LOC728743: variants seen among roughly 807,000 people sequenced by gnomAD.
chr7:150,402,534 T>C, the LOC728743 span, among the ~76,000 whole-genome samples: 1 of 152,244 alleles, frequency 6.6e-6, no homozygotes, highest in Non-Finnish European at 1.5e-5. Context: ...GGACCTATTG[T>C]ATGCTGGACA....
At chr7:150,401,444 G>T in the LOC728743 span, among the ~76,000 whole-genome samples, 1 of 152,226 alleles carries the variant, frequency 6.6e-6, no homozygotes, top group East Asian at 1.9e-4. Flanking sequence ...ATGGGTGGGA[G>T]TGGGGGATGT....
chr7:150,400,808 T>C, the LOC728743 span: 3 of 152,252 alleles, frequency 2.0e-5, no homozygotes, highest in South Asian at 2.1e-4. Flanking sequence ...GGAAGAGGCA[T>C]TGTCATTAAG....
chr7:150,401,398 G>C, the LOC728743 span, among the ~76,000 whole-genome samples: 1 of 152,252 alleles, frequency 6.6e-6, no homozygotes, highest in Non-Finnish European at 1.5e-5. Flanking sequence ...CAGGCCGAGG[G>C]AGAGGGCAGG....
chr7:150,410,252 A>C, the LOC728743 span: 31 of 398,738 alleles, frequency 7.8e-5, no homozygotes, highest in East Asian at 1.1e-3. Flanking sequence ...CCTGGCTGGC[A>C]CTGCACCCGG....
At chr7:150,407,373 G>A in the LOC728743 span, among the ~76,000 whole-genome samples, 3 of 152,210 alleles carry the variant, frequency 2.0e-5, no homozygotes, top group Non-Finnish European at 4.4e-5. Flanking sequence ...CTTGGGAAGG[G>A]ACTGGAAGGA....
the LOC728743 span, chr7:150,405,850 C>CT: frequency 6.6e-6 from 1 of 152,200 alleles, no homozygotes; most frequent in Non-Finnish European, 1.5e-5. Flanking sequence ...GCAGCGCAGA[C>CT]TGTAGAGCAA....
chr7:150,407,421 A>C, the LOC728743 span, among the ~76,000 whole-genome samples: 1 of 152,114 alleles, frequency 6.6e-6, no homozygotes, highest in Non-Finnish European at 1.5e-5. Context: ...AGGAAGAGGA[A>C]CACCAATTCC....
chr7:150,401,939 C>T, the LOC728743 span, among the ~76,000 whole-genome samples: 2 of 152,214 alleles, frequency 1.3e-5, no homozygotes, highest in African/African-American at 2.4e-5. Context: ...TTTCCCTTCA[C>T]CTTCTCCCCT....
chr7:150,407,064 G>A, the LOC728743 span, among the ~76,000 whole-genome samples: 1 of 152,180 alleles, frequency 6.6e-6, no homozygotes, highest in Non-Finnish European at 1.5e-5. Context: ...CTTGAGATCT[G>A]GTTGGAGGGA....
chr7:150,409,853 G>A, the LOC728743 span, among the ~76,000 whole-genome samples: 8 of 152,084 alleles, frequency 5.3e-5, no homozygotes, highest in Admixed American at 6.5e-5. Context: ...ATGGCTCCTC[G>A]GAGACTGTCC....
At chr7:150,409,021 G>T in the LOC728743 span, among the ~76,000 whole-genome samples, 1 of 152,140 alleles carries the variant, frequency 6.6e-6, no homozygotes, top group Non-Finnish European at 1.5e-5. Context: ...TCTGGGGTGA[G>T]ACCGAGGAGG....
At chr7:150,409,715 C>A in the LOC728743 span, among the ~76,000 whole-genome samples, 1 of 151,988 alleles carries the variant, frequency 6.6e-6, no homozygotes, top group Non-Finnish European at 1.5e-5. Flanking sequence ...GACATGGCAT[C>A]CCTGGGAGTG....
chr7:150,403,837 C>CAG, the LOC728743 span, among the ~76,000 whole-genome samples: 5 of 152,242 alleles, frequency 3.3e-5, no homozygotes, highest in East Asian at 9.6e-4. This position sits in a 1 kb window ranked among gnomAD's most constrained non-coding sequence, Gnocchi z 5.1. Flanking sequence ...GGCCACAAGC[C>CAG]AGACGGGTGG....
At chr7:150,411,885 C>G in the LOC728743 span, 1 of 152,852 alleles carries the variant, frequency 6.5e-6, no homozygotes, top group Non-Finnish European at 1.5e-5. Context: ...GGACATGTCC[C>G]CTTTCCTCTC....
chr7:150,405,022 G>A, the LOC728743 span: 1 of 152,266 alleles, frequency 6.6e-6, no homozygotes, highest in East Asian at 1.9e-4. Context: ...GGAAAATAGG[G>A]ATGGTGCTAT....
chr7:150,408,411 A>AC, the LOC728743 span: 1 of 357,652 alleles, frequency 2.8e-6, no homozygotes, highest in Non-Finnish European at 5.0e-6. Context: ...CTCCCTCGGG[A>AC]CCCTCTGGCT....
At chr7:150,409,148 G>GA in the LOC728743 span, among the ~76,000 whole-genome samples, 1 of 148,580 alleles carries the variant, frequency 6.7e-6, no homozygotes, top group Non-Finnish European at 1.5e-5. Flanking sequence ...CAAGGGAGGG[G>GA]GGGTCCTGAT....
the LOC728743 span, among the ~76,000 whole-genome samples, chr7:150,407,282 C>T: frequency 1.3e-5 from 2 of 152,118 alleles, no homozygotes; most frequent in African/African-American, 4.8e-5. Flanking sequence ...GCAGTATGAT[C>T]AGTGAGAGCC....
the LOC728743 span, chr7:150,408,289 T>C: frequency 1.1e-5 from 4 of 367,886 alleles, no homozygotes; most frequent in Non-Finnish European, 1.9e-5. Flanking sequence ...CCCCTGGAGA[T>C]GGCCCTGGGC....
Sources: allele counts gnomAD v4.1 joint callset (sites outside exome capture counted in the v4.1 genomes callset), GRCh38; gene constraint gnomAD v4.1.1; non-coding constraint Gnocchi (gnomAD v3.1); transcripts MANE v1.5.